The following ADAM7 variants were observed in gnomAD, a reference collection of about 807,000 sequenced individuals.
ADAM7 encodes the protein disintegrin and metalloproteinase domain-containing protein 7.
In ADAM7, 97 loss-of-function variants were observed where a neutral mutation model predicts 102.9. That is an observed-to-expected ratio of 0.94 (90% CI 0.80 to 1.12). The LOEUF (loss-of-function observed/expected upper bound fraction) is 1.12, where lower values mean the gene tolerates loss of function less well. Among genes scored for constraint, ADAM7 ranks in the 50% most tolerant of loss-of-function variants. ADAM7 has a pLI of 0.00. For missense variants in ADAM7, 991 were observed against 908.7 expected, an observed-to-expected ratio of 1.09 and a Z score of -1.16; for synonymous variants, 334 against 304.4, an observed-to-expected ratio of 1.10 and a Z score of -1.01.
chr8:24,493,570 A>G (rs1168194822), intron 16 of ADAM7, among the ~76,000 whole-genome samples: 1 of 152,186 alleles, frequency 6.6e-6, no homozygotes, highest in Non-Finnish European at 1.5e-5. Flanking sequence ...ATTCACTCAT[A>G]TTTACTAGCC....
rs569820138 is a variant in ADAM7 at position 24,504,964 on chromosome 8, C to T, written c.2209-2516C>T. ...TCCATTAGAATGGACAAAATAACAA[C>T]GTGTGATTTTTTTTAAGTTTACACT... On this transcript the variant is annotated intron_variant, in intron 20 of 21. Transcript: ENST00000175238. Among the ~76,000 whole-genome samples the T allele has an allele frequency of 2.6e-5, 4 of 151,974 alleles. 1 individual carries two copies. Among genetic ancestry groups the T allele is most frequent in the African/African-American group, 9.7e-5 (4 of 41,450 alleles).
chr8:24,492,181 T>A, intron 14 of ADAM7, 83 bp downstream of exon 14: 1 of 1,311,028 alleles, frequency 7.6e-7, no homozygotes, highest in Non-Finnish European at 1.1e-6. Flanking sequence ...TGGGTCAAGA[T>A]CAGATATAAT....
intron 3 of ADAM7, among the ~76,000 whole-genome samples, chr8:24,462,247 G>A (rs968250708): frequency 2.6e-5 from 4 of 152,158 alleles, no homozygotes; most frequent in African/African-American, 9.6e-5. Context: ...TCCTTCACAT[G>A]TCATAGTTCA....
chr8:24,492,446 A>C, intron 14 of ADAM7, 49 bp from the exon 15 acceptor site: 1 of 1,312,416 alleles, frequency 7.6e-7, no homozygotes, highest in Non-Finnish European at 1.1e-6. Context: ...TTTATGATTC[A>C]TGATAGTCAT....
At chr8:24,492,432 GTCTT>G in intron 14 of ADAM7, 59 bp from the exon 15 acceptor site, 1 of 1,157,940 alleles carries the variant, frequency 8.6e-7, no homozygotes, top group East Asian at 2.4e-5. Flanking sequence ...GAAAAATAAG[GTCTT>G]TTATGATTCA....
chr8:24,490,773 C>T, intron 12 of ADAM7, 26 bp from the exon 13 acceptor site: 1 of 1,605,288 alleles, frequency 6.2e-7, no homozygotes, highest in African/African-American at 1.3e-5. Flanking sequence ...ACCAATTTCT[C>T]ATCTCTCTTT....
intron 19 of ADAM7, 44 bp from the exon 20 acceptor site, chr8:24,501,433 G>A: frequency 1.4e-6 from 2 of 1,398,666 alleles, no homozygotes; most frequent in South Asian, 1.2e-5. Context: ...AACCTGAATA[G>A]CCCTATATCT....
chr8:24,468,776 G>C lies in ADAM7; in HGVS notation c.589G>C (p.Asp197His). 1.2e-6 allele frequency: 2 copies of C among 1,613,276 alleles called. No homozygotes were observed. Among genetic ancestry groups the C allele is most frequent in the Middle Eastern group, 1.7e-4 (1 of 6,050 alleles). ...EEDSKIKGIH[D>H]EKYVELFIVA... Reference sequence around the variant, plus strand: ...TTCCCTAACTTTACAGGGCATCCATGATGAAAAGTATGTTGAATTGTTCAT... The same window carrying C: ...TTCCCTAACTTTACAGGGCATCCATCATGAAAAGTATGTTGAATTGTTCAT... Residue 197 changes from aspartate (D) to histidine (H), a missense_variant, in exon 7 of 22, where the codon GAT becomes CAT. Physicochemically the swap from Asp to His is moderately conservative, Grantham distance 81 (BLOSUM62 -1). Transcript: ENST00000175238.
chr8:24,456,376 C>T (rs978938326), intron 3 of ADAM7, among the ~76,000 whole-genome samples: 13 of 152,102 alleles, frequency 8.5e-5, no homozygotes, highest in Non-Finnish European at 1.5e-4. Flanking sequence ...ATTCATCTGT[C>T]GATGGACGCC....
At chr8:24,482,027 A>G in intron 8 of ADAM7, 115 bp from the exon 9 acceptor site, 2 of 735,530 alleles carry the variant, frequency 2.7e-6, no homozygotes, top group Non-Finnish European at 4.3e-6. Context: ...CTGTTTACTA[A>G]TGTACCTCAC....
chr8:24,504,161 A>T (rs1027491896), intron 20 of ADAM7, among the ~76,000 whole-genome samples: 2 of 152,240 alleles, frequency 1.3e-5, no homozygotes, highest in Middle Eastern at 3.4e-3. Flanking sequence ...TGAGGCCAGG[A>T]GTTCTAGACC....
chr8:24,501,535 A>G lies in ADAM7; in HGVS notation c.2167A>G (p.Ile723Val). Residue 723 changes from isoleucine (I) to valine (V), a missense_variant, in exon 20 of 22, where the codon ATA becomes GTA. Transcript: ENST00000175238. The part of the protein sequence containing the change: ...NKGYFGDEQQ[I>V]RTEPILPEIH... ...AGGATACTTTGGTGATGAGCAGCAG[A>G]TAAGGACTGAGCCAATCCTGCCAGA... is the stretch of plus-strand genomic sequence containing the variant. 1.9e-6 allele frequency: 3 copies of G among 1,608,832 alleles called. No individual in the cohort carries two copies. Among genetic ancestry groups the G allele is most frequent in the Non-Finnish European group, 2.5e-6 (3 of 1,178,312 alleles).
At chr8:24,462,184 G>A (rs1819267029) in intron 3 of ADAM7, among the ~76,000 whole-genome samples, 1 of 152,178 alleles carries the variant, frequency 6.6e-6, no homozygotes, top group Non-Finnish European at 1.5e-5. Flanking sequence ...CTTTTGGGTG[G>A]CATCAAATTT....
rs1254619688 is a variant in ADAM7 at position 24,449,738 on chromosome 8, G to C, written c.233+2476G>C. ...AAGTCCTTGCCCATGCCTATGTCCT[G>C]AATGGTAATGCCTAGGTTTTCTTCT... On this transcript the variant is annotated intron_variant, in intron 3 of 21. Transcript: ENST00000175238. Among the ~76,000 whole-genome samples, 10 of 152,290 alleles carry C rather than the reference G, an allele frequency of 6.6e-5. No homozygotes were observed. In the South Asian group the frequency reaches 1.9e-3, roughly 28 times the overall value.
chr8:24,464,218 G>C (rs961932827), intron 4 of ADAM7, among the ~76,000 whole-genome samples: 2 of 152,138 alleles, frequency 1.3e-5, no homozygotes, highest in African/African-American at 4.8e-5. Flanking sequence ...CACTCAATAT[G>C]GTGTTAAGTC....
At position 24,500,789 on chromosome 8, in the gene ADAM7, G is replaced by A. The variant is rs1820733039; in HGVS notation, c.2003-1G>A. ...GAAGCCCATGTTTCTTCATGTTGCA[G>A]ATATCACCATCTTGGTTGTTGTGCT... On this transcript the variant is annotated splice_acceptor_variant, in intron 18 of 21. Transcript: ENST00000175238. LOFTEE classifies it high-confidence loss of function. The A allele has an allele frequency of 1.9e-6, 3 of 1,612,036 alleles. No individual in the cohort carries two copies. The highest frequency in any genetic ancestry group is 2.5e-6 in the Non-Finnish European group (3 of 1,178,532).
chr8:24,478,380 G>C (rs1056325408), intron 8 of ADAM7, among the ~76,000 whole-genome samples: 1 of 152,078 alleles, frequency 6.6e-6, no homozygotes, highest in African/African-American at 2.4e-5. Flanking sequence ...CAAATTACTA[G>C]ACTTGTTTTA....
intron 16 of ADAM7, among the ~76,000 whole-genome samples, chr8:24,497,343 C>G (rs1013262968): frequency 1.3e-5 from 2 of 152,068 alleles, no homozygotes; most frequent in African/African-American, 4.8e-5. Context: ...CCTCCTTTAT[C>G]AAGAAAAATT....
At chr8:24,484,765 T>C (rs1317609455) in intron 9 of ADAM7, among the ~76,000 whole-genome samples, 1 of 151,862 alleles carries the variant, frequency 6.6e-6, no homozygotes, top group Admixed American at 6.6e-5. Flanking sequence ...TTTTTTGTTT[T>C]ATACCTTTCT....
Sources: gnomAD v4.1 joint callset for allele counts (sites outside exome capture counted in the v4.1 genomes callset) on GRCh38, gnomAD v4.1.1 for gene constraint, MANE v1.5 for transcripts, NCBI Gene and HGNC (gene_info 2026-07-23, HGNC 2026-07-21) for gene names.